ST8SIA1: variants seen among roughly 807,000 people sequenced by gnomAD.
The protein encoded by ST8SIA1 is alpha-N-acetylneuraminide alpha-2,8-sialyltransferase.
Under a neutral mutation model 35.9 loss-of-function variants are expected in ST8SIA1, and 16 were observed. The observed-to-expected ratio is 0.45, with a 90% confidence interval of 0.30 to 0.68. The LOEUF (loss-of-function observed/expected upper bound fraction) is 0.68, where lower values mean the gene tolerates loss of function less well. Ranked by LOEUF, ST8SIA1 falls within the 30% of genes least tolerant of loss-of-function variation. The pLI is 0.09. For missense variants in ST8SIA1, 383 were observed against 453.6 expected (o/e 0.84, Z 1.41); for synonymous variants, 170 against 169.6 (o/e 1.00, Z -0.02).
intron 2 of ST8SIA1, among the ~76,000 whole-genome samples, chr12:22,267,254 C>T (rs1190460849): frequency 6.6e-6 from 1 of 152,180 alleles, no homozygotes; most frequent in African/African-American, 2.4e-5. Context: ...GACTGCTAAA[C>T]TGTTAATCCA....
intron 1 of ST8SIA1, among the ~76,000 whole-genome samples, chr12:22,302,776 C>G (rs751970440): frequency 6.6e-6 from 1 of 152,138 alleles, no homozygotes; most frequent in Non-Finnish European, 1.5e-5. Flanking sequence ...AAAGTCATCC[C>G]TCCCCTCACT....
At chr12:22,319,873 G>A (rs1020838802) in intron 1 of ST8SIA1, among the ~76,000 whole-genome samples, 1 of 152,098 alleles carries the variant, frequency 6.6e-6, no homozygotes, top group African/African-American at 2.4e-5. Flanking sequence ...TCCTAAGCAA[G>A]AAGAAAAAGA....
In ST8SIA1 at chr12:22,197,850, T is replaced by C. The variant is rs1207510809; in HGVS notation, c.*3702A>G. On this transcript the variant is annotated 3_prime_UTR_variant, in exon 5 of 5. Coordinates refer to ENST00000396037, the MANE Select transcript of ST8SIA1 (RefSeq NM_003034.4). ...TACTTCCTACCCTTGTGAAGACAGA[T>C]AAAAGTGAACTATACAGAAGCAAAA... 2 of 152,204 alleles carry C rather than the reference T, an allele frequency of 1.3e-5. No homozygotes were observed. Among genetic ancestry groups the C allele is most frequent in the African/African-American group, 2.4e-5 (1 of 41,450 alleles). 9.4% of individuals were successfully genotyped at this position (152,204 alleles called of 1,614,324 possible).
intron 4 of ST8SIA1, chr12:22,223,689 C>T (rs771093256): frequency 4.9e-6 from 6 of 1,219,308 alleles, no homozygotes; most frequent in East Asian, 7.1e-5. Flanking sequence ...TTGCTGGAGA[C>T]GTTCTGTCAT....
chr12:22,280,956 CAA>C (rs1456156807), intron 2 of ST8SIA1, among the ~76,000 whole-genome samples: 6 of 152,198 alleles, frequency 3.9e-5, no homozygotes, highest in African/African-American at 1.4e-4. Flanking sequence ...TATAATGAAA[CAA>C]AGACTGTAAC....
In ST8SIA1 at chr12:22,312,039, T is replaced by C. The variant is rs185234956; in HGVS notation, c.236+21958A>G. On this transcript the variant is annotated intron_variant, in intron 1 of 4. Coordinates refer to ENST00000396037, the MANE Select transcript of ST8SIA1 (RefSeq NM_003034.4). ...TAAGCACCCAACCTACCAGGCTTTG[T>C]GGGTACATAAACCACAACTGAGATG... Among the ~76,000 whole-genome samples, 5 of 152,282 alleles carry C rather than the reference T, an allele frequency of 3.3e-5. No homozygotes were observed. In the East Asian group the frequency reaches 9.6e-4, roughly 29 times the overall value.
intron 2 of ST8SIA1, among the ~76,000 whole-genome samples, chr12:22,275,170 G>A (rs1214137162): frequency 6.6e-6 from 1 of 152,130 alleles, no homozygotes; most frequent in Non-Finnish European, 1.5e-5. Context: ...GGCATTTTGG[G>A]CAGAAGGAAC....
chr12:22,325,935 G>A (rs941947648), intron 1 of ST8SIA1: 1 of 681,208 alleles, frequency 1.5e-6, no homozygotes, highest in Non-Finnish European at 2.7e-6. Context: ...TGGAGACGCT[G>A]AACAAAGGGA....
intron 2 of ST8SIA1, among the ~76,000 whole-genome samples, chr12:22,255,764 G>A (rs924690359): frequency 1.2e-4 from 18 of 151,948 alleles, no homozygotes; most frequent in African/African-American, 4.4e-4. Flanking sequence ...ATTCTCCTAT[G>A]TGATTGCAAT....
At chr12:22,325,865 C>A (rs1376305133) in intron 1 of ST8SIA1, 2 of 701,846 alleles carry the variant, frequency 2.8e-6, no homozygotes, top group Admixed American at 4.0e-5. Context: ...AACACAAGCA[C>A]GGTGATCCCA....
At chr12:22,229,299 A>T (rs34151958) in intron 4 of ST8SIA1, among the ~76,000 whole-genome samples, 18,870 of 152,026 alleles carry the variant, frequency 0.12, 1,515 homozygotes, top group Middle Eastern at 0.29. Flanking sequence ...ATAGATAGGG[A>T]TGATGACAAT....
chr12:22,204,555 C>T (rs1865085863), intron 4 of ST8SIA1, among the ~76,000 whole-genome samples: 1 of 152,134 alleles, frequency 6.6e-6, no homozygotes, highest in African/African-American at 2.4e-5. Flanking sequence ...GAACTGATCC[C>T]TGTCTCTGTG....
At chr12:22,263,825 A>C (rs1229391234) in intron 2 of ST8SIA1, among the ~76,000 whole-genome samples, 2 of 152,228 alleles carry the variant, frequency 1.3e-5, no homozygotes, top group Non-Finnish European at 2.9e-5. Context: ...AATCAATAGC[A>C]GTGTTAGCTG....
intron 3 of ST8SIA1, chr12:22,250,874 G>C (rs1057345037): frequency 6.6e-6 from 1 of 152,288 alleles, no homozygotes; most frequent in Admixed American, 6.5e-5. Flanking sequence ...AGTGGCTTTT[G>C]CTGAATGCCC....
intron 4 of ST8SIA1, among the ~76,000 whole-genome samples, chr12:22,239,444 T>C (rs1865514792): frequency 6.6e-6 from 1 of 152,196 alleles, no homozygotes; most frequent in Non-Finnish European, 1.5e-5. Context: ...TCTCCAGTTA[T>C]GTCTAATTTG....
chr12:22,262,944 C>T (rs567869897), intron 2 of ST8SIA1, among the ~76,000 whole-genome samples: 2 of 152,286 alleles, frequency 1.3e-5, no homozygotes, highest in Admixed American at 1.3e-4. Context: ...AATAACTAAC[C>T]TTAAATATAG....
At chr12:22,324,632 C>T (rs895801723) in intron 1 of ST8SIA1, 12 of 152,016 alleles carry the variant, frequency 7.9e-5, no homozygotes, top group Non-Finnish European at 1.2e-4. Flanking sequence ...AAAATATTAG[C>T]GATGTTTGTT....
chr12:22,216,317 A>T (rs1865233184), intron 4 of ST8SIA1, among the ~76,000 whole-genome samples: 1 of 152,108 alleles, frequency 6.6e-6, no homozygotes, highest in Admixed American at 6.5e-5. Flanking sequence ...GCATGATATA[A>T]TCCCTGCCTA....
intron 2 of ST8SIA1, among the ~76,000 whole-genome samples, chr12:22,286,104 C>T (rs1393016741): frequency 6.6e-6 from 1 of 152,088 alleles, no homozygotes; most frequent in African/African-American, 2.4e-5. Context: ...CACCTGGAAG[C>T]CTCCCAAGGG....
Sources: allele counts gnomAD v4.1 joint callset (sites outside exome capture counted in the v4.1 genomes callset), GRCh38; gene constraint gnomAD v4.1.1; transcripts MANE v1.5; gene names NCBI Gene and HGNC (gene_info 2026-07-23, HGNC 2026-07-21).